The following MYBPC3 variants were observed in gnomAD, a reference collection of about 807,000 sequenced individuals.
MYBPC3 encodes myosin-binding protein C, cardiac-type.
In MYBPC3, 108 loss-of-function variants were observed where a neutral mutation model predicts 159.3. The ratio of observed to expected loss-of-function variants is 0.68; its 90% CI spans 0.58 to 0.80. MYBPC3 has a LOEUF of 0.80. MYBPC3 is among the 30% of genes least tolerant of loss of function. The pLI, the probability that MYBPC3 is intolerant of heterozygous loss-of-function variation, is 0.00. For synonymous variants in MYBPC3, 730 were observed against 702.0 expected, an observed-to-expected ratio of 1.04 and a Z score of -0.63; for missense variants, 1,631 against 1,762.1, an observed-to-expected ratio of 0.93 and a Z score of 1.33.
rs397515909 is a variant in MYBPC3 at position 47,342,667 on chromosome 11, A to G, written c.1535T>C (p.Leu512Pro). Residue 512 changes from leucine to proline, a missense_variant, in exon 17 of 35, where the codon CTG becomes CCG. Coordinates refer to ENST00000545968, the MANE Select transcript of MYBPC3 (RefSeq NM_000256.3). ...RFKKDGQRHH[L>P]IINEAMLEDA... ...CTCCAGCATGGCCTCGTTGATGATC[A>G]GGTGGTGTCTCTGCCCGTCCTTCTT... The G allele has an allele frequency of 6.2e-7, 1 of 1,614,044 alleles. No homozygotes were observed. The highest frequency in any genetic ancestry group is 8.5e-7 in the Non-Finnish European group (1 of 1,179,894).
chr11:47,344,399 G>A (rs1015974317), intron 12 of MYBPC3, among the ~76,000 whole-genome samples: 2 of 152,226 alleles, frequency 1.3e-5, no homozygotes, highest in Non-Finnish European at 2.9e-5. Flanking sequence ...ATAGGGCTCA[G>A]AGAGGCGACT....
chr11:47,332,470 AAGC>A lies in MYBPC3; in HGVS notation c.3627+93_3627+95del. 1 of 1,525,488 alleles carries A rather than the reference AAGC, an allele frequency of 6.6e-7. No homozygotes were observed. Among genetic ancestry groups the A allele is most frequent in the Non-Finnish European group, 8.8e-7 (1 of 1,131,494 alleles). 94.5% of individuals were successfully genotyped at this position (1,525,488 alleles called of 1,614,324 possible). A position where few individuals can be genotyped will look rare whatever the true frequency, so the allele number is the denominator to read the frequency against. On this transcript the variant is annotated intron_variant, in intron 32 of 34. Transcript: ENST00000545968. This position sits in a 1 kb window ranked among gnomAD's most constrained non-coding sequence, Gnocchi z 4.2. ...GTCCATACACCCCAAGGTGGAGAGA[AAGC>A]AGGGGAGACAGGCTGGGGAGAGGAC...
In MYBPC3 at chr11:47,337,439, T is replaced by C. The variant is rs2095883374; in HGVS notation, c.2554A>G (p.Ile852Val). 1.1e-5 allele frequency: 18 copies of C among 1,611,384 alleles called. No homozygotes were observed. Among genetic ancestry groups the C allele is most frequent in the Non-Finnish European group, 1.4e-5 (17 of 1,178,850 alleles). ...YEMRVYAVNAIGMSRPSPASQ... is the reference protein window; with the variant it reads ...YEMRVYAVNAVGMSRPSPASQ... ...GCAGGGCTGGGCCTGGACATGCCGA[T>C]GGCGTTGACCGCGTAGACGCGCATC... Residue 852 changes from isoleucine to valine, a missense_variant, in exon 25 of 35, where the codon ATC becomes GTC. Transcript: ENST00000545968.
At position 47,348,375 on chromosome 11, in the gene MYBPC3, A is replaced by AGG. The variant is rs2095896609; in HGVS notation, c.772+47_772+48dup. 2.9e-6 allele frequency: 4 copies of AGG among 1,381,500 alleles called. No homozygotes were observed. The African/African-American group carries it at 5.7e-5, about 20-fold the overall frequency. 85.6% of individuals were successfully genotyped at this position (1,381,500 alleles called of 1,614,324 possible). A position where few individuals can be genotyped will look rare whatever the true frequency, so the allele number is the denominator to read the frequency against. On this transcript the variant is annotated intron_variant, in intron 6 of 34. Coordinates refer to ENST00000545968, the MANE Select transcript of MYBPC3 (RefSeq NM_000256.3). ...TGTTGGGAAAAGGAGGTAGGAGACC[A>AGG]GGACCCATGGGGAGCCCGAGCCCAG... is the stretch of plus-strand genomic sequence containing the variant.
At chr11:47,347,616 G>T in intron 8 of MYBPC3, 35 bp downstream of exon 8, 1 of 1,567,428 alleles carries the variant, frequency 6.4e-7, no homozygotes, top group Non-Finnish European at 8.7e-7. Flanking sequence ...CTGGGGGTCT[G>T]CGGATGGTGC....
chr11:47,343,230 C>G, intron 14 of MYBPC3, 30 bp downstream of exon 14: 1 of 1,573,074 alleles, frequency 6.4e-7, no homozygotes, highest in East Asian at 2.3e-5. Flanking sequence ...CCTGTGCCCC[C>G]CACCCCAAGC....
In MYBPC3 at chr11:47,338,608, C is replaced by G. The variant is rs1451991531; in HGVS notation, c.2220G>C (p.Gly740=). ...AGACGCCCTCATCTTCCTTCTCTGC[C>G]CCCTCGACCGTGAAGATGCTGCGGT... ...TKDRSIFTVE[G]AEKEDEGVYT... Residue 740 remains glycine, a synonymous_variant, in exon 23 of 35, where the codon GGG becomes GGC. Transcript: ENST00000545968. The surrounding 1 kb of genome is among the most constrained non-coding windows in gnomAD (Gnocchi z 4.7). 16 of 1,613,856 alleles carry G rather than the reference C, an allele frequency of 9.9e-6. No individual in the cohort carries two copies. The highest frequency in any genetic ancestry group is 1.4e-5 in the Non-Finnish European group (16 of 1,179,898).
intron 2 of MYBPC3, 29 bp from the exon 3 acceptor site, chr11:47,350,644 G>C (rs570682235): frequency 6.9e-7 from 1 of 1,448,194 alleles, no homozygotes. Flanking sequence ...GAGTCGTGGT[G>C]CAGCCACTAA....
intron 5 of MYBPC3, 35 bp downstream of exon 5, chr11:47,349,739 C>T (rs754226877): frequency 1.9e-6 from 3 of 1,593,802 alleles, no homozygotes; most frequent in Non-Finnish European, 1.7e-6. Flanking sequence ...TCCATGTCCC[C>T]TCTCTCCGTG....
In MYBPC3 at chr11:47,342,925, C is replaced by A; in HGVS notation, c.1362G>T (p.Val454=). ...STELFVKEPP[V]LITRPLEDQL... ...GGTCCTCCAAGGGGCGCGTGATGAG[C>A]ACAGGGGGCTCTGTCCAGGCAGGGT... The change falls in exon 16 of 35, where the codon GTG becomes GTT. Residue 454 remains valine, a synonymous_variant. Transcript: ENST00000545968. 3 of 1,611,574 alleles carry A rather than the reference C, an allele frequency of 1.9e-6. No homozygotes were observed. Among genetic ancestry groups the A allele is most frequent in the South Asian group, 1.1e-5 (1 of 90,656 alleles).
chr11:47,349,896 C>T lies in MYBPC3; in HGVS notation c.532G>A (p.Val178Met), dbSNP rs727503218. ...VGGSITFSAR[V>M]AGASLLKPPV... Reference sequence around the variant, plus strand: ...GGCTTCAGGAGGCTGGCGCCGGCCACGCGGGCTGAGAAGGTGATGCTGCCA... The same window carrying T: ...GGCTTCAGGAGGCTGGCGCCGGCCATGCGGGCTGAGAAGGTGATGCTGCCA... The change falls in exon 5 of 35, where the codon GTG becomes ATG. Residue 178 changes from valine (V) to methionine (M), a missense_variant. Val to Met is a conservative substitution (Grantham distance 21). Coordinates refer to ENST00000545968, the MANE Select transcript of MYBPC3 (RefSeq NM_000256.3). 1.1e-5 allele frequency: 17 copies of T among 1,608,986 alleles called. No individual in the cohort carries two copies. The highest frequency in any genetic ancestry group is 6.7e-5 in the East Asian group (3 of 44,668).
At position 47,338,555 on chromosome 11, in the gene MYBPC3, C is replaced by T. The variant is rs1163861044; in HGVS notation, c.2273G>A (p.Gly758Asp). 1.2e-6 allele frequency: 2 copies of T among 1,613,920 alleles called. No individual in the cohort carries two copies. The highest frequency in any genetic ancestry group is 4.5e-5 in the East Asian group (2 of 44,894). ...VYTVTVKNPVGEDQVNLTVKV... is the reference protein window; with the variant it reads ...VYTVTVKNPVDEDQVNLTVKV... Reference sequence around the variant, plus strand: ...GACTGTGAGGTTGACCTGGTCCTCGCCCACAGGGTTCTTCACTGTGACCGT... The same window carrying T: ...GACTGTGAGGTTGACCTGGTCCTCGTCCACAGGGTTCTTCACTGTGACCGT... Residue 758 changes from glycine (G) to aspartate (D), a missense_variant, in exon 23 of 35, where the codon GGC becomes GAC. Transcript: ENST00000545968. This position sits in a 1 kb window ranked among gnomAD's most constrained non-coding sequence, Gnocchi z 4.7.
chr11:47,348,908 T>TTTTATATATATATATATATA (rs1555123222), intron 5 of MYBPC3, among the ~76,000 whole-genome samples: 3 of 39,884 alleles, frequency 7.5e-5, no homozygotes, highest in Non-Finnish European at 1.1e-4. Flanking sequence ...CTGTCTCAAA[T>TTTTATATATATATATATATA]TATATATATA....
intron 29 of MYBPC3, 83 bp from the exon 30 acceptor site, chr11:47,333,416 T>G: frequency 6.7e-7 from 1 of 1,496,918 alleles, no homozygotes; most frequent in African/African-American, 1.4e-5. Context: ...ACCCCACCCC[T>G]GCCAACCAGG....
chr11:47,346,426 G>A lies in MYBPC3; in HGVS notation c.927-56C>T. 3 of 1,492,432 alleles carry A rather than the reference G, an allele frequency of 2.0e-6. No homozygotes were observed. The highest frequency in any genetic ancestry group is 2.7e-5 in the South Asian group (2 of 74,478). The allele number at this position is 1,492,432 out of a possible 1,614,324, so 92.4% of individuals were successfully genotyped here. On this transcript the variant is annotated intron_variant, in intron 11 of 34. Coordinates refer to ENST00000545968, the MANE Select transcript of MYBPC3 (RefSeq NM_000256.3). The surrounding 1 kb of genome is among the most constrained non-coding windows in gnomAD (Gnocchi z 5.3). ...GGCAAGACTGCAGCCCCCTGGGCGGGGCTTCCTGGGCCCAGGACCAAGGAG... is the reference window on the plus strand; with the variant it reads ...GGCAAGACTGCAGCCCCCTGGGCGGAGCTTCCTGGGCCCAGGACCAAGGAG...
chr11:47,352,163 G>T (rs79594882), intron 1 of MYBPC3, among the ~76,000 whole-genome samples: 1 of 152,140 alleles, frequency 6.6e-6, no homozygotes, highest in East Asian at 1.9e-4. Context: ...ACAGCCAGGA[G>T]GAACCAACCC....
chr11:47,347,664 C>T lies in MYBPC3; in HGVS notation c.838G>A (p.Gly280Ser). ...GGGCAGGGGTACCTGATCCGCCGAC[C>T]ACCTCCAGCCAGGCTCCTGTGGGGG... ...AFRRTSLAGG[G>S]RRISDSHEDT... Residue 280 changes from glycine (G) to serine (S), a missense_variant, in exon 8 of 35, where the codon GGT becomes AGT. Gly to Ser is a moderately conservative substitution (Grantham distance 56). Transcript: ENST00000545968. 1.9e-6 allele frequency: 3 copies of T among 1,573,786 alleles called. No homozygotes were observed. Among genetic ancestry groups the T allele is most frequent in the East Asian group, 2.3e-5 (1 of 42,878 alleles).
rs111683277 is a variant in MYBPC3 at position 47,333,556 on chromosome 11, C to T, written c.3190+1G>A. ...GGCTCAAGGAGGCCTTGGCCACGCA[C>T]CAACAACCTGCAGCACCAGCGTGGC... On this transcript the variant is annotated splice_donor_variant, in intron 29 of 34. Transcript: ENST00000545968. LOFTEE classifies it high-confidence loss of function. 5 of 1,599,896 alleles carry T rather than the reference C, an allele frequency of 3.1e-6. No homozygotes were observed.
At chr11:47,347,057 G>T in intron 9 of MYBPC3, 28 bp from the exon 10 acceptor site, 1 of 846,900 alleles carries the variant, frequency 1.2e-6, no homozygotes, top group Non-Finnish European at 2.0e-6. Flanking sequence ...CAGCCATAAT[G>T]GAGGGGCCGG....
Sources: allele counts gnomAD v4.1 joint callset (sites outside exome capture counted in the v4.1 genomes callset), GRCh38; gene constraint gnomAD v4.1.1; non-coding constraint Gnocchi (gnomAD v3.1); transcripts MANE v1.5; gene names NCBI Gene and HGNC (gene_info 2026-07-23, HGNC 2026-07-21).